DMD: variants seen among roughly 807,000 people sequenced by gnomAD.
DMD encodes dystrophin, also known as mutant dystrophin.
Under a neutral mutation model 330.1 loss-of-function variants are expected in DMD, and 63 were observed. That is an observed-to-expected ratio of 0.19 (90% CI 0.16 to 0.24). The LOEUF (loss-of-function observed/expected upper bound fraction) is 0.24, where lower values mean the gene tolerates loss of function less well. Among genes scored for constraint, DMD ranks in the 10% least tolerant of loss-of-function variants. The pLI is 1.00. For missense variants in DMD, 3,344 were observed against 2,684.1 expected (o/e 1.25, Z -5.43); for synonymous variants, 1,223 against 959.8 (o/e 1.27, Z -5.07).
intron 51 of DMD, among the ~76,000 whole-genome samples, chrX:31,731,941 C>T (rs1306836351): frequency 1.8e-5 from 2 of 111,559 alleles, no homozygotes; most frequent in Non-Finnish European, 3.8e-5. Flanking sequence ...CCACAATGAA[C>T]AGCTTTTATT....
chrX:31,512,332 A>C (rs1351406118), intron 55 of DMD, among the ~76,000 whole-genome samples: 9 of 106,187 alleles, frequency 8.5e-5, no homozygotes, highest in African/African-American at 3.1e-4. Context: ...GAAGCTCTTT[A>C]GTTTAATTAG....
intron 16 of DMD, among the ~76,000 whole-genome samples, chrX:32,553,319 A>C (rs1442875537): frequency 9.0e-6 from 1 of 111,656 alleles, no homozygotes; most frequent in Non-Finnish European, 1.9e-5. Flanking sequence ...CAATAACACA[A>C]AATATCACAT....
At chrX:31,134,057 C>T in intron 77 of DMD, 45 bp downstream of exon 77, 3 of 1,132,436 alleles carry the variant, frequency 2.6e-6, no homozygotes, top group South Asian at 3.7e-5. Context: ...AAGCGAGTGG[C>T]CTGATCCCAG....
At chrX:33,181,367 C>T (rs896360752) in intron 1 of DMD, among the ~76,000 whole-genome samples, 1 of 111,335 alleles carries the variant, frequency 9.0e-6, no homozygotes, top group African/African-American at 3.3e-5. Flanking sequence ...TGACTGGTCT[C>T]TATATCAGTC....
chrX:32,587,987 A>C (rs1265054246), intron 13 of DMD, among the ~76,000 whole-genome samples: 5 of 111,637 alleles, frequency 4.5e-5, no homozygotes. Context: ...GGTATACTGT[A>C]GATAAGGAAC....
chrX:33,252,404 T>C (rs1437011131), intron 1 of DMD, among the ~76,000 whole-genome samples: 1 of 111,574 alleles, frequency 9.0e-6, no homozygotes, highest in Non-Finnish European at 1.9e-5. Context: ...TTGCCTCTTA[T>C]CATTAACAGC....
intron 63 of DMD, among the ~76,000 whole-genome samples, chrX:31,257,488 A>C (rs1334102224): frequency 9.0e-6 from 1 of 111,564 alleles, no homozygotes; most frequent in Non-Finnish European, 1.9e-5. Flanking sequence ...TTTGGACCTA[A>C]AGGGATACCT....
intron 63 of DMD, among the ~76,000 whole-genome samples, chrX:31,236,309 G>A (rs1187358594): frequency 8.9e-6 from 1 of 112,384 alleles, no homozygotes; most frequent in African/African-American, 3.2e-5. Context: ...GATACAATTG[G>A]TCAGATATTT....
At chrX:31,535,784 C>A (rs1247928656) in intron 55 of DMD, among the ~76,000 whole-genome samples, 4 of 111,771 alleles carry the variant, frequency 3.6e-5, no homozygotes, top group African/African-American at 1.3e-4. Flanking sequence ...ATTCATTCTA[C>A]AAATACTGAG....
At chrX:31,755,966 G>A (rs1002906948) in intron 51 of DMD, among the ~76,000 whole-genome samples, 4 of 111,727 alleles carry the variant, frequency 3.6e-5, no homozygotes, top group East Asian at 2.8e-4. Flanking sequence ...TTACATAATC[G>A]TCTTATGAGT....
chrX:31,421,858 ACTCTCTCTCTCTCT>A (rs56157177), intron 60 of DMD, among the ~76,000 whole-genome samples: 1 of 77,334 alleles, frequency 1.3e-5, no homozygotes, highest in African/African-American at 4.8e-5. Context: ...CTCCCTGCTT[ACTCTCTCTCTCTCT>A]CTCTCTCTCT....
chrX:32,724,550 C>A (rs1270178943), intron 7 of DMD, among the ~76,000 whole-genome samples: 3 of 111,620 alleles, frequency 2.7e-5, no homozygotes, highest in Middle Eastern at 4.7e-3. Context: ...TACTCTGAAA[C>A]AATAAATCAA....
chrX:32,175,380 A>C (rs763220643), intron 44 of DMD, among the ~76,000 whole-genome samples: 2 of 111,044 alleles, frequency 1.8e-5, no homozygotes, highest in South Asian at 7.7e-4. Flanking sequence ...GCACTCTGAT[A>C]GGACAGAAAT....
At chrX:32,594,288 C>A (rs1207172323) in intron 13 of DMD, among the ~76,000 whole-genome samples, 3 of 111,541 alleles carry the variant, frequency 2.7e-5, no homozygotes, top group Non-Finnish European at 5.6e-5. Flanking sequence ...AGACAGCTGG[C>A]TATCCTTTTT....
intron 1 of DMD, among the ~76,000 whole-genome samples, chrX:33,208,573 T>A (rs1054253397): frequency 9.0e-6 from 1 of 111,303 alleles, no homozygotes; most frequent in Non-Finnish European, 1.9e-5. Context: ...AAAAATGATG[T>A]GTGTTTAAAA....
intron 63 of DMD, among the ~76,000 whole-genome samples, chrX:31,224,732 A>G (rs2046414489): frequency 8.9e-6 from 1 of 112,511 alleles, no homozygotes; most frequent in Non-Finnish European, 1.9e-5. Context: ...CAAAAACCGG[A>G]AACCAACCAG....
At chrX:31,158,401 C>A (rs1479024435) in intron 74 of DMD, among the ~76,000 whole-genome samples, 1 of 111,729 alleles carries the variant, frequency 9.0e-6, no homozygotes, top group Non-Finnish European at 1.9e-5. Context: ...ATAAGCAAAT[C>A]CATAGAGACA....
intron 55 of DMD, among the ~76,000 whole-genome samples, chrX:31,560,587 G>A (rs992942427): frequency 9.0e-6 from 1 of 110,698 alleles, no homozygotes; most frequent in Non-Finnish European, 1.9e-5. Flanking sequence ...CGAACAGACA[G>A]TGCCGTGATC....
chrX:32,993,336 G>C (rs1038430254), intron 2 of DMD, among the ~76,000 whole-genome samples: 212 of 111,646 alleles, frequency 1.9e-3, no homozygotes, highest in African/African-American at 5.9e-3. Flanking sequence ...TGGTGCGGTC[G>C]CTCATGCCTG....
Sources: allele counts gnomAD v4.1 joint callset (sites outside exome capture counted in the v4.1 genomes callset), GRCh38; gene constraint gnomAD v4.1.1; transcripts MANE v1.5; gene names NCBI Gene and HGNC (gene_info 2026-07-23, HGNC 2026-07-21).